ANO3: variants seen among roughly 807,000 people sequenced by gnomAD.
ANO3 encodes anoctamin-3.
In ANO3, 99 loss-of-function variants were observed where a neutral mutation model predicts 144.8. The ratio of observed to expected loss-of-function variants is 0.68; its 90% CI spans 0.58 to 0.81. ANO3 has a LOEUF of 0.81. ANO3 is among the 30% of genes least tolerant of loss of function. The pLI, the probability that ANO3 is intolerant of heterozygous loss-of-function variation, is 0.00. For synonymous variants in ANO3, 414 were observed against 392.6 expected, an observed-to-expected ratio of 1.05 and a Z score of -0.64; for missense variants, 905 against 1,202.2, an observed-to-expected ratio of 0.75 and a Z score of 3.66.
chr11:26,499,084 T>C (rs1378042372), intron 4 of ANO3, among the ~76,000 whole-genome samples: 2 of 151,986 alleles, frequency 1.3e-5, no homozygotes, highest in Non-Finnish European at 2.9e-5. Context: ...TTTCAGATAA[T>C]GTCACATTTC....
intron 5 of ANO3, among the ~76,000 whole-genome samples, chr11:26,510,269 G>A (rs1279491911): frequency 6.6e-6 from 1 of 151,864 alleles, no homozygotes; most frequent in Admixed American, 6.6e-5. Flanking sequence ...ACAACTTAGA[G>A]TTACAGAGCC....
chr11:26,633,683 T>C (rs1245878728), intron 18 of ANO3, among the ~76,000 whole-genome samples: 1 of 152,218 alleles, frequency 6.6e-6, no homozygotes, highest in East Asian at 1.9e-4. Context: ...CTAAAGATTA[T>C]CTTACGAAGT....
At chr11:26,496,732 G>A (rs945329462) in intron 4 of ANO3, among the ~76,000 whole-genome samples, 4 of 151,796 alleles carry the variant, frequency 2.6e-5, no homozygotes, top group Non-Finnish European at 4.4e-5. Context: ...ATATTCGTGT[G>A]TACATATAAT....
chr11:26,267,592 G>A (rs1351998286), intron 1 of ANO3, among the ~76,000 whole-genome samples: 1 of 152,174 alleles, frequency 6.6e-6, no homozygotes, highest in African/African-American at 2.4e-5. Flanking sequence ...TCAGCTAAGA[G>A]AGTGTGAAAC....
At chr11:26,365,342 A>G (rs1205140544) in intron 1 of ANO3, among the ~76,000 whole-genome samples, 1 of 152,118 alleles carries the variant, frequency 6.6e-6, no homozygotes, top group Non-Finnish European at 1.5e-5. Context: ...CTGCCAGTGA[A>G]TCTACCATTC....
At chr11:26,523,773 T>A (rs1862182177) in intron 6 of ANO3, among the ~76,000 whole-genome samples, 1 of 152,208 alleles carries the variant, frequency 6.6e-6, no homozygotes, top group African/African-American at 2.4e-5. Flanking sequence ...TTTCTCAAAG[T>A]TTTTTAATTG....
chr11:26,433,184 T>C (rs919192312), intron 1 of ANO3, among the ~76,000 whole-genome samples: 2 of 152,180 alleles, frequency 1.3e-5, no homozygotes, highest in African/African-American at 4.8e-5. Context: ...TCCTGATGGC[T>C]CTCGGCTTAG....
chr11:26,594,156 T>G (rs11529839), intron 14 of ANO3, among the ~76,000 whole-genome samples: 7 of 151,978 alleles, frequency 4.6e-5, no homozygotes, highest in African/African-American at 1.7e-4. Context: ...TAATTCAAAG[T>G]CTTCTTCCTA....
In ANO3 at chr11:26,624,467, T is replaced by C; in HGVS notation, c.1842T>C (p.Tyr614=). ...TGTATTCTCTTTTATTACAGGCTTA[T>C]GAAAAAATTGCTTACCTCCTCACCA... ...FIIIMLLNLA[Y]EKIAYLLTNL... The change falls in exon 18 of 27, where the codon TAT becomes TAC. Residue 614 remains tyrosine (Y), a synonymous_variant. Transcript: ENST00000256737. 2 of 1,605,858 alleles carry C rather than the reference T, an allele frequency of 1.2e-6. No homozygotes were observed. The highest frequency in any genetic ancestry group is 1.7e-6 in the Non-Finnish European group (2 of 1,173,408).
At chr11:26,218,754 T>C (rs1216513627) in intron 1 of ANO3, among the ~76,000 whole-genome samples, 1 of 152,214 alleles carries the variant, frequency 6.6e-6, no homozygotes, top group Admixed American at 6.5e-5. Flanking sequence ...TTTTTGTTTT[T>C]TTCTTAAGGG....
intron 1 of ANO3, among the ~76,000 whole-genome samples, chr11:26,215,708 A>G (rs1852022802): frequency 7.4e-6 from 1 of 134,792 alleles, no homozygotes; most frequent in Admixed American, 7.4e-5. Flanking sequence ...TAACCTGTAT[A>G]TATACTTTTA....
intron 4 of ANO3, among the ~76,000 whole-genome samples, chr11:26,476,248 A>G (rs1859964281): frequency 6.6e-6 from 1 of 152,120 alleles, no homozygotes; most frequent in Admixed American, 6.6e-5. Flanking sequence ...ATAAGCCTAC[A>G]TATAATTATC....
chr11:26,554,320 C>A (rs892693303), intron 13 of ANO3, among the ~76,000 whole-genome samples: 11 of 151,954 alleles, frequency 7.2e-5, no homozygotes, highest in African/African-American at 2.7e-4. Flanking sequence ...TTGTTTATTT[C>A]TTTACCTATT....
In ANO3 at chr11:26,442,116, A is replaced by G. The variant is rs750898357; in HGVS notation, c.241+4A>G. 2 of 1,607,324 alleles carry G rather than the reference A, an allele frequency of 1.2e-6. No individual in the cohort carries two copies. Among genetic ancestry groups the G allele is most frequent in the Non-Finnish European group, 1.7e-6 (2 of 1,178,272 alleles). ...TCCACTGACAAAGCAGAGCAAGGTGAGCAGCAATTCCTATTTTCTTGTTCA... is the reference window on the plus strand; with the variant it reads ...TCCACTGACAAAGCAGAGCAAGGTGGGCAGCAATTCCTATTTTCTTGTTCA... On this transcript the variant is annotated splice_donor_region_variant and intron_variant, in intron 2 of 26. Transcript: ENST00000256737.
At chr11:26,339,421 TG>T (rs1345848177) in intron 1 of ANO3, among the ~76,000 whole-genome samples, 1 of 152,118 alleles carries the variant, frequency 6.6e-6, no homozygotes, top group African/African-American at 2.4e-5. Flanking sequence ...CCCAAAGTGC[TG>T]GGAATTACAG....
At chr11:26,624,590 T>C in intron 18 of ANO3, 92 bp downstream of exon 18, 1 of 886,262 alleles carries the variant, frequency 1.1e-6, no homozygotes. Flanking sequence ...AGCATTTTAA[T>C]AACTGCAATT....
At position 26,606,528 on chromosome 11, in the gene ANO3, G is replaced by T. The variant is rs1434235861; in HGVS notation, c.1836+6814G>T. ...ATCTATCTAATATTGACAGTGGGGT[G>T]TTAAGGCCTCCCACTATTCTTTGTT... is the stretch of plus-strand genomic sequence containing the variant. On this transcript the variant is annotated intron_variant, in intron 17 of 26. Transcript: ENST00000256737. 2.0e-5 allele frequency among the ~76,000 whole-genome samples: 3 copies of T among 151,428 alleles called. No homozygotes were observed. The East Asian group carries it at 5.8e-4, about 29-fold the overall frequency.
chr11:26,478,199 A>G (rs1296532384), intron 4 of ANO3, among the ~76,000 whole-genome samples: 1 of 152,162 alleles, frequency 6.6e-6, no homozygotes, highest in Non-Finnish European at 1.5e-5. Context: ...TCTATTCTAT[A>G]TGCTCTGGAG....
At chr11:26,547,776 G>A (rs1849825971) in intron 12 of ANO3, among the ~76,000 whole-genome samples, 1 of 151,798 alleles carries the variant, frequency 6.6e-6, no homozygotes, top group African/African-American at 2.4e-5. Flanking sequence ...TTCTAAGAAT[G>A]TTTATGTAAA....
Sources: gnomAD v4.1 joint callset for allele counts (sites outside exome capture counted in the v4.1 genomes callset) on GRCh38, gnomAD v4.1.1 for gene constraint, MANE v1.5 for transcripts, NCBI Gene and HGNC (gene_info 2026-07-23, HGNC 2026-07-21) for gene names.